The following WASF3 variants were observed in gnomAD, a reference collection of about 807,000 sequenced individuals.
WASF3 encodes WASP family member 3, also known as actin-binding protein WASF3.
A neutral mutation model predicts 46.6 loss-of-function variants in WASF3; 11 were observed. That is an observed-to-expected ratio of 0.24 (90% CI 0.15 to 0.39). The LOEUF is 0.39. Among genes scored for constraint, WASF3 ranks in the 10% least tolerant of loss-of-function variants. The probability of loss-of-function intolerance (pLI) is 1.00; values close to 1 mark genes in which losing one functional copy is unlikely to be tolerated. For synonymous variants in WASF3, 242 were observed against 259.7 expected, an observed-to-expected ratio of 0.93 and a Z score of 0.65; for missense variants, 576 against 669.8, an observed-to-expected ratio of 0.86 and a Z score of 1.55.
At position 26,594,648 on chromosome 13, in the gene WASF3, A is replaced by G. The variant is rs908156469; in HGVS notation, c.-108-18313A>G. Among the ~76,000 whole-genome samples the G allele has an allele frequency of 5.3e-5, 8 of 152,208 alleles. No individual in the cohort carries two copies. The East Asian group carries it at 7.7e-4, about 15-fold the overall frequency. ...TACCTCCCTGGAACGCCTGTTTTCT[A>G]TTCCTTTCCTAAGTAAATTAAGTTC... is the stretch of plus-strand genomic sequence containing the variant. On this transcript the variant is annotated intron_variant, in intron 1 of 9. Coordinates refer to ENST00000335327, the MANE Select transcript of WASF3 (RefSeq NM_006646.6).
chr13:26,620,471 A>G (rs1881272583), intron 2 of WASF3: 1 of 152,214 alleles, frequency 6.6e-6, no homozygotes, highest in South Asian at 2.1e-4. Context: ...TCTGAATTAA[A>G]TGAACATAAC....
chr13:26,660,194 G>GTTTTTTTTTTTTTT lies in WASF3; in HGVS notation c.134-4812_134-4799dup, dbSNP rs71080285. Among the ~76,000 whole-genome samples the GTTTTTTTTTTTTTT allele has an allele frequency of 3.2e-4, 14 of 43,376 alleles. 1 individual carries two copies. Among genetic ancestry groups the GTTTTTTTTTTTTTT allele is most frequent in the African/African-American group, 1.0e-3 (14 of 13,450 alleles). 28.5% of individuals were successfully genotyped at this position (43,376 alleles called of 152,430 possible). The stretch of plus-strand genomic sequence containing the variant: ...GTAATTAGCTTTTGTTTTTTGTTTG[G>GTTTTTTTTTTTTTT]TTTTTTTTTTTTTTTTTTTTTTTTT... On this transcript the variant is annotated intron_variant, in intron 3 of 9. Transcript: ENST00000335327.
In WASF3 at chr13:26,566,504, C is replaced by G. The variant is rs183653641; in HGVS notation, c.-109+8685C>G. On this transcript the variant is annotated intron_variant, in intron 1 of 9. Coordinates refer to ENST00000335327, the MANE Select transcript of WASF3 (RefSeq NM_006646.6). ...GACATGAGGACTGCTTTAATAACTGCAAGATTTCAGTGACTCAGAGCAAGA... is the reference window on the plus strand; with the variant it reads ...GACATGAGGACTGCTTTAATAACTGGAAGATTTCAGTGACTCAGAGCAAGA... Among the ~76,000 whole-genome samples the G allele has an allele frequency of 1.1e-4, 16 of 152,298 alleles. No individual in the cohort carries two copies. The East Asian group carries it at 3.1e-3, about 29-fold the overall frequency.
chr13:26,540,756 A>C, the WASF3 span, among the ~76,000 whole-genome samples: 4 of 151,456 alleles, frequency 2.6e-5, no homozygotes, highest in East Asian at 3.9e-4. Context: ...ACCCCAAACA[A>C]CTCCCTCCCC....
intron 6 of WASF3, among the ~76,000 whole-genome samples, chr13:26,672,850 A>G (rs537619390): frequency 2.5e-4 from 38 of 152,244 alleles, no homozygotes; most frequent in Non-Finnish European, 2.6e-4. Context: ...AAAATCGAAA[A>G]CAGCATTAAA....
At chr13:26,568,200 T>C (rs1427154436) in intron 1 of WASF3, among the ~76,000 whole-genome samples, 2 of 152,162 alleles carry the variant, frequency 1.3e-5, no homozygotes, top group Non-Finnish European at 2.9e-5. Context: ...ATGATACCAT[T>C]TAAGTTAGAT....
At chr13:26,666,866 C>CAAAAAAAAAAA (rs1168774717) in intron 4 of WASF3, among the ~76,000 whole-genome samples, 1 of 62,808 alleles carries the variant, frequency 1.6e-5, no homozygotes, top group African/African-American at 5.1e-5. Flanking sequence ...AAGACTGTCT[C>CAAAAAAAAAAA]AAAAAAAAAA....
At chr13:26,573,607 A>G (rs533836792) in intron 1 of WASF3, among the ~76,000 whole-genome samples, 1 of 152,274 alleles carries the variant, frequency 6.6e-6, no homozygotes, top group Non-Finnish European at 1.5e-5. Context: ...CAAGAGTTGT[A>G]TAAATTTTTA....
rs757694137 is a variant in WASF3, at chr13:26,681,012, A to T, written c.717-42A>T. The stretch of plus-strand genomic sequence containing the variant: ...TGTGCCTGTTAGCCGACAATTTTTA[A>T]ATTAATTTAAATTTCTCCCACCTCT... On this transcript the variant is annotated intron_variant, in intron 7 of 9. Coordinates refer to ENST00000335327, the MANE Select transcript of WASF3 (RefSeq NM_006646.6). The T allele has an allele frequency of 2.7e-5, 42 of 1,567,778 alleles. 1 individual carries two copies. In the South Asian group the frequency reaches 4.8e-4, roughly 18 times the overall value.
rs1299693026 is a variant in WASF3 at position 26,687,223 on chromosome 13, A to C, written c.*1378A>C. Reference sequence around the variant, plus strand: ...GCTTTGATTATAGATACGACTTCAAAAATATGCTAAGACGCTTGACTTATT... The same window carrying C: ...GCTTTGATTATAGATACGACTTCAACAATATGCTAAGACGCTTGACTTATT... On this transcript the variant is annotated 3_prime_UTR_variant, in exon 10 of 10. Coordinates refer to ENST00000335327, the MANE Select transcript of WASF3 (RefSeq NM_006646.6). 2 of 152,260 alleles carry C rather than the reference A, an allele frequency of 1.3e-5. No individual in the cohort carries two copies. Among genetic ancestry groups the C allele is most frequent in the Non-Finnish European group, 2.9e-5 (2 of 68,050 alleles). 9.4% of individuals were successfully genotyped at this position (152,260 alleles called of 1,614,324 possible).
chr13:26,646,940 A>AGGGC (rs1045355328), intron 3 of WASF3, among the ~76,000 whole-genome samples: 41 of 152,386 alleles, frequency 2.7e-4, no homozygotes, highest in Admixed American at 2.5e-3. Context: ...TAAAGCAAGA[A>AGGGC]AAGAATCTGG....
intron 3 of WASF3, among the ~76,000 whole-genome samples, chr13:26,649,985 C>T (rs1378869241): frequency 2.0e-5 from 3 of 152,136 alleles, no homozygotes; most frequent in Non-Finnish European, 4.4e-5. Context: ...CAGAGAATTG[C>T]TTGAACCCAG....
intron 1 of WASF3, among the ~76,000 whole-genome samples, chr13:26,588,717 C>T (rs1056597224): frequency 6.6e-5 from 10 of 152,096 alleles, no homozygotes; most frequent in Admixed American, 4.6e-4. Flanking sequence ...TGGCCAACAC[C>T]GGGATTTTTC....
chr13:26,558,989 G>A (rs1448461361), intron 1 of WASF3, among the ~76,000 whole-genome samples: 1 of 152,136 alleles, frequency 6.6e-6, no homozygotes, highest in African/African-American at 2.4e-5. Flanking sequence ...ATTGTCTCTA[G>A]GGCAAATTCT....
rs144002367 is a variant in WASF3, at chr13:26,624,115, C to T, written c.-11+11057C>T. ...AGACAAAAAAGGCAAGAAAGAATGA[C>T]GTGTTGTAAATCAAGAGATAAAGCA... On this transcript the variant is annotated intron_variant, in intron 2 of 9. Transcript: ENST00000335327. 3.9e-5 allele frequency among the ~76,000 whole-genome samples: 6 copies of T among 152,158 alleles called. No individual in the cohort carries two copies. The East Asian group carries it at 5.8e-4, about 15-fold the overall frequency.
intron 2 of WASF3, among the ~76,000 whole-genome samples, chr13:26,632,868 CA>C (rs1221976852): frequency 3.3e-5 from 5 of 152,252 alleles, no homozygotes; most frequent in African/African-American, 1.2e-4. Context: ...TTGGTCTAGT[CA>C]GAGATTCAAC....
intron 2 of WASF3, chr13:26,620,537 ACAG>A (rs757049706): frequency 6.6e-6 from 1 of 152,200 alleles, no homozygotes; most frequent in Non-Finnish European, 1.5e-5. Context: ...AAGTTGTAGA[ACAG>A]CAGCTTTTTT....
chr13:26,567,597 CTT>C (rs1196225044), intron 1 of WASF3, among the ~76,000 whole-genome samples: 2 of 152,110 alleles, frequency 1.3e-5, no homozygotes, highest in African/African-American at 4.8e-5. Flanking sequence ...CTATCTGGCT[CTT>C]TACAGTAAAA....
At chr13:26,600,662 G>C (rs752474873) in intron 1 of WASF3, among the ~76,000 whole-genome samples, 21 of 152,216 alleles carry the variant, frequency 1.4e-4, no homozygotes, top group Non-Finnish European at 2.8e-4. Flanking sequence ...TCTCCGTTCT[G>C]CTGTTGGTTG....
Sources: gnomAD v4.1 joint callset for allele counts (sites outside exome capture counted in the v4.1 genomes callset) on GRCh38, gnomAD v4.1.1 for gene constraint, MANE v1.5 for transcripts, NCBI Gene and HGNC (gene_info 2026-07-23, HGNC 2026-07-21) for gene names.